Variants in TOP1MT observed in about 807,000 individuals in gnomAD.
TOP1MT encodes DNA topoisomerase I mitochondrial.
Under a neutral mutation model 73.9 loss-of-function variants are expected in TOP1MT, and 80 were observed. The ratio of observed to expected loss-of-function variants is 1.08; its 90% confidence interval spans 0.90 to 1.30. The LOEUF is 1.30. TOP1MT is among the 50% of genes most tolerant of loss of function. The pLI is 0.00. For synonymous variants in TOP1MT, 338 were observed against 326.4 expected (o/e 1.04, Z -0.38); for missense variants, 815 against 808.0 (o/e 1.01, Z -0.10).
upstream of TOP1MT, among the ~76,000 whole-genome samples, chr8:143,335,589 A>G (rs1357873489): frequency 6.6e-6 from 1 of 152,232 alleles, no homozygotes; most frequent in Non-Finnish European, 1.5e-5. Context: ...CCAAGGGGCA[A>G]AACCTCTAGA....
At chr8:143,346,184 C>T (rs1243211758), upstream of TOP1MT, among the ~76,000 whole-genome samples, 2 of 152,216 alleles carry the variant, frequency 1.3e-5, no homozygotes, top group Non-Finnish European at 2.9e-5. Context: ...GGGTTTGTTT[C>T]ACCTCCAGAA....
At chr8:143,320,040 C>G (rs1341457571) in intron 8 of TOP1MT, among the ~76,000 whole-genome samples, 2 of 151,936 alleles carry the variant, frequency 1.3e-5, no homozygotes, top group Non-Finnish European at 2.9e-5. Context: ...AGGAGAATCG[C>G]TTGAACCCAG....
At chr8:143,358,487 A>G (rs1015561659), upstream of TOP1MT, 31 of 152,278 alleles carry the variant, frequency 2.0e-4, no homozygotes, top group African/African-American at 7.5e-4. Flanking sequence ...GAATGTTACA[A>G]GAGCTGGGCA....
chr8:143,326,732 T>C (rs6558348), intron 3 of TOP1MT, among the ~76,000 whole-genome samples: 116,372 of 152,236 alleles, frequency 0.76, 44,701 homozygotes, highest in South Asian at 0.84. Flanking sequence ...TGCAGAAACG[T>C]CATGACCGGA....
intron 1 of TOP1MT, among the ~76,000 whole-genome samples, chr8:143,353,095 C>T (rs116709394): frequency 0.035 from 5,298 of 152,088 alleles, 295 homozygotes; most frequent in African/African-American, 0.12. Flanking sequence ...TACAACTCAA[C>T]GATAAAAAAC....
At chr8:143,351,387 A>G (rs1817318212) in intron 1 of TOP1MT, among the ~76,000 whole-genome samples, 1 of 152,082 alleles carries the variant, frequency 6.6e-6, no homozygotes, top group Non-Finnish European at 1.5e-5. Flanking sequence ...AGCCCAGCCA[A>G]CATGGCGAAA....
chr8:143,310,193 G>A lies in TOP1MT; in HGVS notation c.1578C>T (p.Leu526=), dbSNP rs763150075. The A allele has an allele frequency of 1.3e-5, 20 of 1,593,462 alleles. No individual in the cohort carries two copies. Among genetic ancestry groups the A allele is most frequent in the South Asian group, 1.2e-4 (11 of 89,240 alleles). ...CCAGCTGCTCCTGCAGCTTCTCCAG[G>A]AGCCGCCTCTTCTTCTCCAGGACAC... ...SRSVLEKKRR[L]LEKLQEQLAQ... Residue 526 remains leucine (L), a synonymous_variant, in exon 13 of 14, where the codon CTC becomes CTT. Coordinates refer to ENST00000329245, the MANE Select transcript of TOP1MT (RefSeq NM_052963.3).
rs1240601932 is a variant in TOP1MT, at chr8:143,326,359, GAC to G, written c.361-17_361-16del. Reference sequence around the variant, plus strand: ...ACCGCCATTTCCTGCAAAAACCACAGACACGCGCTCTCACCATGTCTGAAGGA... The same window carrying G: ...ACCGCCATTTCCTGCAAAAACCACAGACGCGCTCTCACCATGTCTGAAGGA... On this transcript the variant is annotated splice_polypyrimidine_tract_variant and intron_variant, in intron 3 of 13. Coordinates refer to ENST00000329245, the MANE Select transcript of TOP1MT (RefSeq NM_052963.3). 5.6e-6 allele frequency: 9 copies of G among 1,613,858 alleles called. No individual in the cohort carries two copies. The highest frequency in any genetic ancestry group is 4.4e-5 in the South Asian group (4 of 91,078).
At chr8:143,342,425 G>A (rs4874177) in intron 2 of TOP1MT, among the ~76,000 whole-genome samples, 8 of 120,184 alleles carry the variant, frequency 6.7e-5, no homozygotes, top group East Asian at 4.7e-4. Context: ...ACAGAGTCTC[G>A]CTCTGTTATT....
At chr8:143,349,279 A>T (rs1158092272), upstream of TOP1MT, among the ~76,000 whole-genome samples, 1 of 151,992 alleles carries the variant, frequency 6.6e-6, no homozygotes, top group Non-Finnish European at 1.5e-5. Context: ...GCTCTCAGGC[A>T]CACGGCACCT....
chr8:143,324,069 T>A lies in TOP1MT; in HGVS notation c.890A>T (p.Tyr297Phe), dbSNP rs969037830. 6.2e-7 allele frequency: 1 copy of A among 1,613,864 alleles called. No homozygotes were observed. Among genetic ancestry groups the A allele is most frequent in the South Asian group, 1.1e-5 (1 of 91,084 alleles). ...TTCCCGAGACTTCCAGTCAGCCCGG[T>A]ACTGGGAGCGGATCTCGTCCACAAA... ...RGFVDEIRSQYRADWKSREMK... is the reference protein window; with the variant it reads ...RGFVDEIRSQFRADWKSREMK... Residue 297 changes from tyrosine (Y) to phenylalanine (F), a missense_variant, in exon 7 of 14, where the codon TAC becomes TTC. Tyr to Phe is a conservative substitution (Grantham distance 22). Transcript: ENST00000329245.
At chr8:143,326,089 G>T in intron 4 of TOP1MT, 133 bp downstream of exon 4, 1 of 1,049,142 alleles carries the variant, frequency 9.5e-7, no homozygotes, top group Non-Finnish European at 1.3e-6. Flanking sequence ...GGGGCGCTAA[G>T]GCTGACGAGA....
chr8:143,347,535 C>G (rs1458503683), upstream of TOP1MT, among the ~76,000 whole-genome samples: 1 of 152,236 alleles, frequency 6.6e-6, no homozygotes, highest in Non-Finnish European at 1.5e-5. Context: ...TCAAGTGATC[C>G]ACCTGCCTCG....
chr8:143,323,707 C>CCACACACATGCACGCCA (rs1452953073), intron 7 of TOP1MT, among the ~76,000 whole-genome samples: 2 of 88,476 alleles, frequency 2.3e-5, no homozygotes, highest in South Asian at 7.3e-4. Context: ...CACAGGCACA[C>CCACACACATGCACGCCA]CACACACATG....
At chr8:143,315,904 C>A (rs1330579991) in intron 11 of TOP1MT, 83 bp from the exon 12 acceptor site, 1 of 1,604,916 alleles carries the variant, frequency 6.2e-7, no homozygotes, top group Non-Finnish European at 8.5e-7. Context: ...ACCCTACGTG[C>A]CCACCGCAGC....
chr8:143,358,058 CT>C (rs1217162305), upstream of TOP1MT, among the ~76,000 whole-genome samples: 5 of 152,096 alleles, frequency 3.3e-5, no homozygotes, highest in African/African-American at 1.2e-4. Context: ...GCACTCCCAC[CT>C]GGGTGACACA....
At chr8:143,351,083 C>T (rs1302578910) in intron 1 of TOP1MT, among the ~76,000 whole-genome samples, 1 of 152,200 alleles carries the variant, frequency 6.6e-6, no homozygotes, top group East Asian at 1.9e-4. Context: ...CAGCTCATCA[C>T]CCTGGCCTGC....
intron 1 of TOP1MT, among the ~76,000 whole-genome samples, chr8:143,350,794 C>A (rs1586785952): frequency 6.6e-6 from 1 of 152,294 alleles, no homozygotes; most frequent in African/African-American, 2.4e-5. Context: ...ATTTTTACTG[C>A]AATCTACTTC....
intron 7 of TOP1MT, among the ~76,000 whole-genome samples, chr8:143,321,879 C>CAG (rs1816412160): frequency 1.3e-4 from 9 of 70,512 alleles, no homozygotes; most frequent in East Asian, 6.7e-4. Context: ...GCACACCACA[C>CAG]GCACGCCACA....
Sources: gnomAD v4.1 joint callset for allele counts (sites outside exome capture counted in the v4.1 genomes callset) on GRCh38, gnomAD v4.1.1 for gene constraint, MANE v1.5 for transcripts, NCBI Gene and HGNC (gene_info 2026-07-23, HGNC 2026-07-21) for gene names.